MSI2: variants seen among roughly 807,000 people sequenced by gnomAD.
The protein encoded by MSI2 is musashi RNA binding protein 2.
Under a neutral mutation model 45.6 loss-of-function variants are expected in MSI2, and 17 were observed. The ratio of observed to expected loss-of-function variants is 0.37; its 90% CI spans 0.26 to 0.56. The LOEUF (loss-of-function observed/expected upper bound fraction) is 0.56, where lower values mean the gene tolerates loss of function less well. Ranked by LOEUF, MSI2 falls within the 20% of genes least tolerant of loss-of-function variation. MSI2 has a pLI of 0.77. For missense variants in MSI2, 293 were observed against 444.2 expected (o/e 0.66, Z 3.06); for synonymous variants, 156 against 158.2 (o/e 0.99, Z 0.11).
intron 5 of MSI2, chr17:57,294,615 TCTC>T (rs1210501721): frequency 2.0e-5 from 3 of 152,284 alleles, no homozygotes; most frequent in Admixed American, 1.3e-4. Context: ...CCAATGTGGT[TCTC>T]CTCCTTCCCT....
intron 5 of MSI2, among the ~76,000 whole-genome samples, chr17:57,331,131 C>T (rs1914228635): frequency 6.6e-6 from 1 of 152,112 alleles, no homozygotes; most frequent in Non-Finnish European, 1.5e-5. Flanking sequence ...CCAGGCTGGT[C>T]TCGAACTCCT....
intron 5 of MSI2, among the ~76,000 whole-genome samples, chr17:57,368,123 A>G (rs1163745508): frequency 6.6e-6 from 1 of 152,206 alleles, no homozygotes. Context: ...CTTAAATAAT[A>G]ATTTTAAGAC....
chr17:57,515,660 G>A (rs1448014731), intron 6 of MSI2, among the ~76,000 whole-genome samples: 3 of 152,194 alleles, frequency 2.0e-5, no homozygotes, highest in South Asian at 2.1e-4. Context: ...GAGAGGAAGC[G>A]ATGGGGGAGT....
At chr17:57,366,317 T>C (rs1461386212) in intron 5 of MSI2, among the ~76,000 whole-genome samples, 1 of 152,204 alleles carries the variant, frequency 6.6e-6, no homozygotes, top group Non-Finnish European at 1.5e-5. Flanking sequence ...GTTTCTGTGC[T>C]GGACAGCATC....
At chr17:57,548,908 A>AC (rs1481321393) in intron 7 of MSI2, among the ~76,000 whole-genome samples, 2,983 of 52,568 alleles carry the variant, frequency 0.057, 75 homozygotes, top group African/African-American at 0.13. Flanking sequence ...TCCCCCCCCC[A>AC]CCCCCCCGCC....
chr17:57,285,064 G>C (rs560367356), intron 5 of MSI2, among the ~76,000 whole-genome samples: 1 of 152,106 alleles, frequency 6.6e-6, no homozygotes, highest in South Asian at 2.1e-4. Context: ...ATTGGCGTCG[G>C]TTTCTTAGAA....
chr17:57,681,318 A>T lies in MSI2; in HGVS notation c.*1801A>T, dbSNP rs1038824301. On this transcript the variant is annotated 3_prime_UTR_variant, in exon 14 of 14. Transcript: ENST00000284073. ...ACAACTCAATAGATGGCATTAAAAC[A>T]TATTGTAGTGTGGATATATATTTTT... 25 of 181,588 alleles carry T rather than the reference A, an allele frequency of 1.4e-4. No homozygotes were observed. Among genetic ancestry groups the T allele is most frequent in the African/African-American group, 5.6e-4 (24 of 42,596 alleles). The allele number at this position is 181,588 out of a possible 1,614,324, so 11.2% of individuals were successfully genotyped here.
chr17:57,669,805 GC>G (rs924264240), intron 11 of MSI2, among the ~76,000 whole-genome samples: 12 of 152,266 alleles, frequency 7.9e-5, no homozygotes, highest in Non-Finnish European at 1.5e-4. Context: ...GCAAAGGTGG[GC>G]CCTCCATTGC....
At chr17:57,557,131 G>GGT (rs2087454308) in intron 7 of MSI2, among the ~76,000 whole-genome samples, 1 of 152,148 alleles carries the variant, frequency 6.6e-6, no homozygotes. Context: ...CAGACTGAGG[G>GGT]GTAAGCCAAA....
chr17:57,645,816 T>G (rs1910612338), intron 10 of MSI2, among the ~76,000 whole-genome samples: 1 of 152,086 alleles, frequency 6.6e-6, no homozygotes, highest in African/African-American at 2.4e-5. Flanking sequence ...AATCAGCATT[T>G]GTTAAAGCTT....
intron 8 of MSI2, among the ~76,000 whole-genome samples, chr17:57,599,418 G>A (rs1443902443): frequency 6.6e-6 from 1 of 152,170 alleles, no homozygotes; most frequent in Non-Finnish European, 1.5e-5. Flanking sequence ...GATAACCCGG[G>A]CAGCAATCAG....
intron 10 of MSI2, chr17:57,631,026 G>A: frequency 6.6e-6 from 1 of 152,426 alleles, no homozygotes; most frequent in Non-Finnish European, 1.5e-5. Context: ...ACATTACACA[G>A]CAGTCATGTC....
intron 5 of MSI2, chr17:57,279,906 C>T (rs1170375628): frequency 6.6e-6 from 1 of 151,816 alleles, no homozygotes; most frequent in East Asian, 1.9e-4. Context: ...CTTGGCCTCC[C>T]AAAGTATTGG....
intron 10 of MSI2, among the ~76,000 whole-genome samples, chr17:57,635,506 G>A (rs1049532656): frequency 2.0e-5 from 3 of 152,348 alleles, no homozygotes; most frequent in South Asian, 2.1e-4. Context: ...GGCCCTAACC[G>A]CCAAAAGGCC....
rs140697457 is a variant in MSI2 at position 57,504,216 on chromosome 17, T to C, written c.406-25460T>C. Among the ~76,000 whole-genome samples, 458 of 152,294 alleles carry C rather than the reference T, an allele frequency of 3.0e-3. 3 individuals carry two copies. The highest frequency in any genetic ancestry group is 1.0e-2 in the African/African-American group (415 of 41,564). ...TCCTGCAGGGCACCCTCCCTTCCCG[T>C]GGTCTCCCATCCAGCCTCCTTGTTG... On this transcript the variant is annotated intron_variant, in intron 6 of 13. Transcript: ENST00000284073.
chr17:57,517,227 A>G (rs555935430), intron 6 of MSI2, among the ~76,000 whole-genome samples: 1 of 152,264 alleles, frequency 6.6e-6, no homozygotes, highest in African/African-American at 2.4e-5. Context: ...GGATGACTTT[A>G]GGGATAAGGG....
At chr17:57,281,808 G>A (rs920094174) in intron 5 of MSI2, among the ~76,000 whole-genome samples, 2 of 152,164 alleles carry the variant, frequency 1.3e-5, no homozygotes, top group African/African-American at 2.4e-5. Flanking sequence ...ACTGACAACT[G>A]CCGAGGCTAC....
intron 7 of MSI2, among the ~76,000 whole-genome samples, chr17:57,562,702 G>A (rs2087608173): frequency 6.6e-6 from 1 of 152,200 alleles, no homozygotes; most frequent in Non-Finnish European, 1.5e-5. Flanking sequence ...ACACTGACAG[G>A]CAAACTGGTG....
chr17:57,643,531 A>G (rs1397211747), intron 10 of MSI2, among the ~76,000 whole-genome samples: 1 of 152,210 alleles, frequency 6.6e-6, no homozygotes, highest in Non-Finnish European at 1.5e-5. Context: ...ACCTGCGGAC[A>G]GACACACACC....
Sources: gnomAD v4.1 joint callset for allele counts (sites outside exome capture counted in the v4.1 genomes callset) on GRCh38, gnomAD v4.1.1 for gene constraint, MANE v1.5 for transcripts, NCBI Gene and HGNC (gene_info 2026-07-23, HGNC 2026-07-21) for gene names.